ERCC3: variants seen among roughly 807,000 people sequenced by gnomAD.
ERCC3 encodes the protein general transcription and DNA repair factor IIH helicase/translocase subunit XPB.
A neutral mutation model predicts 94.2 loss-of-function variants in ERCC3; 66 were observed. The observed-to-expected ratio is 0.70, with a 90% CI of 0.57 to 0.86. The LOEUF (loss-of-function observed/expected upper bound fraction) is 0.86, where lower values mean the gene tolerates loss of function less well. ERCC3 is among the 40% of genes least tolerant of loss of function. ERCC3 has a pLI of 0.00. For missense variants in ERCC3, 829 were observed against 987.1 expected (o/e 0.84, Z 2.15); for synonymous variants, 349 against 369.1 (o/e 0.95, Z 0.63).
At chr2:127,275,424 C>T (rs1217506505) in intron 10 of ERCC3, among the ~76,000 whole-genome samples, 2 of 152,216 alleles carry the variant, frequency 1.3e-5, no homozygotes, top group Non-Finnish European at 2.9e-5. Context: ...AAAAAGTACA[C>T]ATTGTAATGA....
At chr2:127,282,188 T>G (rs1573952236) in intron 8 of ERCC3, among the ~76,000 whole-genome samples, 1 of 152,164 alleles carries the variant, frequency 6.6e-6, no homozygotes, top group African/African-American at 2.4e-5. Flanking sequence ...TGTCAATAAC[T>G]AGCACTCTTC....
Position 127,257,843 on chromosome 2 carries a change from TTAA to T in ERCC3, c.2218-119_2218-117del, listed in dbSNP as rs1202401515. 12 of 1,163,442 alleles carry T rather than the reference TTAA, an allele frequency of 1.0e-5. No individual in the cohort carries two copies. Among genetic ancestry groups the T allele is most frequent in the African/African-American group, 1.5e-5 (1 of 65,078 alleles). 72.1% of individuals were successfully genotyped at this position (1,163,442 alleles called of 1,614,324 possible). On this transcript the variant is annotated intron_variant, in intron 14 of 14. Transcript: ENST00000285398. This position sits in a 1 kb window ranked among gnomAD's most constrained non-coding sequence, Gnocchi z 5.4. ...CTTACATAAATTTAATACATCATTTTTAATAATGTTTACAGATCGCTTACTGTC... is the reference window on the plus strand; with the variant it reads ...CTTACATAAATTTAATACATCATTTTTAATGTTTACAGATCGCTTACTGTC...
At position 127,289,041 on chromosome 2, in the gene ERCC3, C is replaced by A. The variant is rs4150415; in HGVS notation, c.823-177G>T. On this transcript the variant is annotated intron_variant, in intron 6 of 14. Transcript: ENST00000285398. ...ACAGAAAAGCAACCCAGACTAACAACACTTTGAAAATGAAATCTAATCAGC... is the reference window on the plus strand; with the variant it reads ...ACAGAAAAGCAACCCAGACTAACAAAACTTTGAAAATGAAATCTAATCAGC... 8.4e-3 allele frequency among the ~76,000 whole-genome samples: 1,281 copies of A among 152,302 alleles called. 21 individuals carry two copies. The highest frequency in any genetic ancestry group is 0.029 in the African/African-American group (1,221 of 41,568).
chr2:127,273,433 A>C (rs1398070791), intron 10 of ERCC3, among the ~76,000 whole-genome samples: 1 of 152,112 alleles, frequency 6.6e-6, no homozygotes, highest in South Asian at 2.1e-4. Flanking sequence ...CCATAACACT[A>C]AGTTTTAAAA....
At chr2:127,289,563 G>T in intron 5 of ERCC3, 62 bp from the exon 6 acceptor site, 1 of 1,602,564 alleles carries the variant, frequency 6.2e-7, no homozygotes, top group South Asian at 1.1e-5. Flanking sequence ...ATCAAGCAAT[G>T]GGTGAAGTTG....
chr2:127,289,438 T>C lies in ERCC3; in HGVS notation c.721A>G (p.Lys241Glu), dbSNP rs777749462. 13 of 1,612,986 alleles carry C rather than the reference T, an allele frequency of 8.1e-6. No individual in the cohort carries two copies. In the Admixed American group the frequency reaches 2.2e-4, roughly 27 times the overall value. Residue 241 changes from lysine (K) to glutamate (E), a missense_variant, in exon 6 of 15, where the codon AAA (lysine) becomes GAA (glutamate). By Grantham distance (56) the Lys-to-Glu change is moderately conservative (BLOSUM62 1). Transcript: ENST00000285398. ...AACAGGTCCATGGGGATGTCAGATT[T>C]ACCCTGTGGATCTGTCACTCGGGAA... ...STSRVTDPQG[K>E]SDIPMDLFDF...
chr2:127,271,433 ATCAAACGAAGTGTCACC>A lies in ERCC3; in HGVS notation c.1831_1847del (p.Gly611SerfsTer31). The A allele has an allele frequency of 6.2e-7, 1 of 1,614,120 alleles. No individual in the cohort carries two copies. The highest frequency in any genetic ancestry group is 8.5e-7 in the Non-Finnish European group (1 of 1,179,982). ...GAATGAGGACATTTGCTTCCGGCAG[ATCAAACGAAGTGTCACC>A]TACCTACAGAAACAAGTTGGAAGGT... On this transcript the variant is annotated frameshift_variant, in exon 12 of 15. Coordinates refer to ENST00000285398, the MANE Select transcript of ERCC3 (RefSeq NM_000122.2). LOFTEE classifies it high-confidence loss of function. The surrounding 1 kb of genome is among the most constrained non-coding windows in gnomAD (Gnocchi z 5.0).
rs558389938 is a variant in ERCC3 at position 127,271,285 on chromosome 2, G to A, written c.1945+51C>T. The A allele has an allele frequency of 3.0e-5, 37 of 1,249,118 alleles. 1 individual carries two copies. In the South Asian group the frequency reaches 4.1e-4, roughly 14 times the overall value. 77.4% of individuals were successfully genotyped at this position (1,249,118 alleles called of 1,614,324 possible). ...CACCCCTATCGTCTTCCTAACTAAA[G>A]TGGTTTAAGAGGAGTGACCTCCTGC... On this transcript the variant is annotated intron_variant, in intron 12 of 14. Transcript: ENST00000285398. This position sits in a 1 kb window ranked among gnomAD's most constrained non-coding sequence, Gnocchi z 5.0.
In ERCC3 at chr2:127,272,883, G is replaced by A; in HGVS notation, c.1809C>T (p.Asn603=). The A allele has an allele frequency of 6.2e-7, 1 of 1,613,046 alleles. No individual in the cohort carries two copies. Among genetic ancestry groups the A allele is most frequent in the South Asian group, 1.1e-5 (1 of 91,054 alleles). Reference sequence around the variant, plus strand: ...CACAAACCTTGGATATGAAGATGGTGTTAATTTTGGGGTTGTGCTTGAAAT... The same window carrying A: ...CACAAACCTTGGATATGAAGATGGTATTAATTTTGGGGTTGTGCTTGAAAT... The part of the protein sequence containing the change: ...LQNFKHNPKI[N]TIFISKVGDT... Residue 603 remains asparagine, a synonymous_variant, in exon 11 of 15, where the codon AAC becomes AAT. Transcript: ENST00000285398.
chr2:127,290,017 G>A (rs1158713218), intron 4 of ERCC3, 193 bp from the exon 5 acceptor site: 9 of 787,264 alleles, frequency 1.1e-5, no homozygotes, highest in African/African-American at 8.6e-5. Context: ...AAGTAGGCAG[G>A]GGCCTGAGCC....
chr2:127,276,352 C>T (rs930465714), intron 10 of ERCC3, among the ~76,000 whole-genome samples: 6 of 152,020 alleles, frequency 3.9e-5, no homozygotes, highest in Non-Finnish European at 8.8e-5. Flanking sequence ...TGACTTTAAA[C>T]CAATAAAATA....
Position 127,292,775 on chromosome 2 carries a change from A to G in ERCC3, c.306T>C (p.Ala102=), listed in dbSNP as rs775815625. ...TTGGTCGGCACACTGGCTCTGCAAT[A>G]GCCACCAAGAAGTCTTGGGCATATT... ...VYKYAQDFLV[A]IAEPVCRPTH... is the part of the protein sequence containing the mutation. The change falls in exon 3 of 15, where the codon GCT becomes GCC. Residue 102 remains alanine, a synonymous_variant. Coordinates refer to ENST00000285398, the MANE Select transcript of ERCC3 (RefSeq NM_000122.2). 2.5e-6 allele frequency: 4 copies of G among 1,613,948 alleles called. No homozygotes were observed. Among genetic ancestry groups the G allele is most frequent in the African/African-American group, 1.3e-5 (1 of 75,070 alleles).
At chr2:127,276,962 T>C (rs1247265557) in intron 10 of ERCC3, among the ~76,000 whole-genome samples, 5 of 152,076 alleles carry the variant, frequency 3.3e-5, no homozygotes, top group Admixed American at 2.0e-4. Context: ...ACTGATCAAG[T>C]ATAAAGTCGA....
rs1684761451 is a variant in ERCC3 at position 127,277,302 on chromosome 2, G to C, written c.1730+1871C>G. ...CCTACTGAGTTTATGGTTATGTGAA[G>C]ACTTTGGAGGGGAATAATTATTCAA... On this transcript the variant is annotated intron_variant, in intron 10 of 14. Transcript: ENST00000285398. The surrounding 1 kb of genome is among the most constrained non-coding windows in gnomAD (Gnocchi z 5.1). Among the ~76,000 whole-genome samples the C allele has an allele frequency of 6.6e-6, 1 of 152,156 alleles. No homozygotes were observed. The highest frequency in any genetic ancestry group is 2.1e-4 in the South Asian group (1 of 4,828).
In ERCC3 at chr2:127,291,494, C is replaced by G. The variant is rs550533983; in HGVS notation, c.471+1116G>C. Among the ~76,000 whole-genome samples, 3 of 152,292 alleles carry G rather than the reference C, an allele frequency of 2.0e-5. No homozygotes were observed. The highest frequency in any genetic ancestry group is 2.0e-4 in the Admixed American group (3 of 15,298). On this transcript the variant is annotated intron_variant, in intron 3 of 14. Transcript: ENST00000285398. The surrounding 1 kb of genome is among the most constrained non-coding windows in gnomAD (Gnocchi z 4.9). ...CAGGCTGGTCTTGAACTCCTGACCC[C>G]AGGTGGTCCACCCACCTCAGCCACC...
In ERCC3 at chr2:127,293,474, C is replaced by T. The variant is rs199971627; in HGVS notation, c.234+39G>A. On this transcript the variant is annotated intron_variant, in intron 2 of 14. Transcript: ENST00000285398. Reference sequence around the variant, plus strand: ...TGCCCAAGATTTAGCTGCCGCTCCGCACACTCCTGGGCCCTGCCCAAGCTA... The same window carrying T: ...TGCCCAAGATTTAGCTGCCGCTCCGTACACTCCTGGGCCCTGCCCAAGCTA... 345 of 1,589,150 alleles carry T rather than the reference C, an allele frequency of 2.2e-4. 1 individual carries two copies. Among genetic ancestry groups the T allele is most frequent in the Admixed American group, 2.5e-4 (15 of 59,722 alleles).
At chr2:127,265,737 C>T (rs1684336534) in intron 12 of ERCC3, among the ~76,000 whole-genome samples, 2 of 152,044 alleles carry the variant, frequency 1.3e-5, no homozygotes, top group Admixed American at 1.3e-4. Flanking sequence ...TTTCAAAGAA[C>T]CAGCTTTTTA....
At chr2:127,261,530 C>T (rs1023832039) in intron 12 of ERCC3, 184 bp from the exon 13 acceptor site, 28 of 630,142 alleles carry the variant, frequency 4.4e-5, no homozygotes, top group Non-Finnish European at 5.4e-5. Flanking sequence ...CCAAGGACAC[C>T]ATCAAGTGAA....
In ERCC3 at chr2:127,294,140, G is replaced by A; in HGVS notation, c.-59C>T. On this transcript the variant is annotated 5_prime_UTR_variant, in exon 1 of 15. Transcript: ENST00000285398. ...CTCCCACAGGCCCGCCGCGGCATCC[G>A]CTCTGGGGGGACTTCCGGCTCAATC... 2 of 1,579,452 alleles carry A rather than the reference G, an allele frequency of 1.3e-6. No homozygotes were observed. The highest frequency in any genetic ancestry group is 1.1e-5 in the South Asian group (1 of 89,126).
Sources: gnomAD v4.1 joint callset for allele counts (sites outside exome capture counted in the v4.1 genomes callset) on GRCh38, gnomAD v4.1.1 for gene constraint, Gnocchi (gnomAD v3.1) non-coding constraint, MANE v1.5 for transcripts, NCBI Gene and HGNC (gene_info 2026-07-23, HGNC 2026-07-21) for gene names.